IL1RAPL2: variants seen among roughly 807,000 people sequenced by gnomAD.
IL1RAPL2 encodes interleukin 1 receptor accessory protein like 2, also known as X-linked interleukin-1 receptor accessory protein-like 2.
In IL1RAPL2, 3 loss-of-function variants were observed where a neutral mutation model predicts 44.1. The observed-to-expected ratio is 0.07, with a 90% CI of 0.03 to 0.18. IL1RAPL2 has a LOEUF of 0.18. Among genes scored for constraint, IL1RAPL2 ranks in the 10% least tolerant of loss-of-function variants. The probability of loss-of-function intolerance (pLI) is 1.00; values close to 1 mark genes in which losing one functional copy is unlikely to be tolerated. For synonymous variants in IL1RAPL2, 181 were observed against 178.8 expected (o/e 1.01, Z -0.10); for missense variants, 391 against 496.4 (o/e 0.79, Z 2.02).
intron 2 of IL1RAPL2, among the ~76,000 whole-genome samples, chrX:104,782,757 G>T (rs1848765120): frequency 8.9e-6 from 1 of 111,743 alleles, no homozygotes; most frequent in East Asian, 2.8e-4. Flanking sequence ...ATTTCCTCAT[G>T]TCTGTGTCTC....
At chrX:105,237,894 A>G (rs6616577) in intron 4 of IL1RAPL2, among the ~76,000 whole-genome samples, 23,061 of 111,215 alleles carry the variant, frequency 0.21, 2,175 homozygotes, top group East Asian at 0.33. Context: ...AAGAGGATAC[A>G]TTTGTCCAGA....
chrX:105,195,590 G>T lies in IL1RAPL2; in HGVS notation c.198G>T (p.Thr66=). 1 of 1,211,586 alleles carries T rather than the reference G, an allele frequency of 8.3e-7. No homozygotes were observed. The highest frequency in any genetic ancestry group is 1.7e-5 in the African/African-American group (1 of 57,865). Residue 66 remains threonine, a synonymous_variant, in exon 3 of 11, where the codon ACG becomes ACT. Coordinates refer to ENST00000372582, the MANE Select transcript of IL1RAPL2 (RefSeq NM_017416.2). The part of the protein sequence containing the change: ...FYSYIRTNYS[T]AQSTGLRLMW... ...GTTATATTCGTACCAACTATAGCAC[G>T]GCCCAGAGCACTGGGCTCAGGCTTA...
chrX:104,600,844 A>G (rs1013673535), intron 1 of IL1RAPL2, among the ~76,000 whole-genome samples: 9 of 111,434 alleles, frequency 8.1e-5, no homozygotes, highest in African/African-American at 2.6e-4. Context: ...AAAGGACATG[A>G]TTTCATTATT....
At chrX:105,552,553 A>G (rs1464796706) in intron 6 of IL1RAPL2, among the ~76,000 whole-genome samples, 1 of 111,914 alleles carries the variant, frequency 8.9e-6, no homozygotes, top group Non-Finnish European at 1.9e-5. Flanking sequence ...TGTGAGTGGA[A>G]ATGATGTAAG....
chrX:105,441,380 G>A (rs1002362154), intron 5 of IL1RAPL2, among the ~76,000 whole-genome samples: 44 of 111,760 alleles, frequency 3.9e-4, no homozygotes, highest in Non-Finnish European at 7.1e-4. Context: ...GTCTCCTTTG[G>A]TGTAACTACC....
chrX:104,865,073 A>C (rs1179273243), intron 2 of IL1RAPL2, among the ~76,000 whole-genome samples: 2 of 111,298 alleles, frequency 1.8e-5, no homozygotes, highest in East Asian at 5.7e-4. Context: ...TTACCCCCAC[A>C]TTGGCTCCCT....
At chrX:105,766,856 T>C (rs1276267404) in intron 10 of IL1RAPL2, 108 bp from the exon 11 acceptor site, 2 of 500,535 alleles carry the variant, frequency 4.0e-6, no homozygotes, top group Non-Finnish European at 6.6e-6. Flanking sequence ...GAAAATGTGA[T>C]GGACTTTAGT....
chrX:105,581,733 T>C (rs1381342942), intron 6 of IL1RAPL2, among the ~76,000 whole-genome samples: 6 of 111,486 alleles, frequency 5.4e-5, no homozygotes, highest in Non-Finnish European at 1.9e-5. Context: ...TTAAGCCTCT[T>C]GATGACATTG....
chrX:105,215,394 C>T (rs1556164253), intron 3 of IL1RAPL2, among the ~76,000 whole-genome samples: 1 of 111,777 alleles, frequency 8.9e-6, no homozygotes, highest in Non-Finnish European at 1.9e-5. Flanking sequence ...CATACACCCT[C>T]CCAAGACTAA....
chrX:104,977,117 G>T (rs778510273), intron 2 of IL1RAPL2, among the ~76,000 whole-genome samples: 7 of 111,534 alleles, frequency 6.3e-5, no homozygotes, highest in Non-Finnish European at 1.1e-4. Context: ...GGGTTCAGAG[G>T]GGACACTCAC....
chrX:105,630,331 G>A (rs754804225), intron 6 of IL1RAPL2, among the ~76,000 whole-genome samples: 1 of 111,221 alleles, frequency 9.0e-6, no homozygotes, highest in African/African-American at 3.3e-5. Flanking sequence ...CACTGTATAT[G>A]TATTACTTCA....
chrX:105,237,699 G>A (rs782359307), intron 4 of IL1RAPL2, among the ~76,000 whole-genome samples: 5 of 111,018 alleles, frequency 4.5e-5, no homozygotes, highest in East Asian at 2.8e-4. Flanking sequence ...TGTTTTTTTC[G>A]TGTAAATTTG....
Position 105,498,449 on chromosome X carries a change from A to G in IL1RAPL2, c.772+14062A>G, listed in dbSNP as rs775939502. 1.7e-4 allele frequency among the ~76,000 whole-genome samples: 19 copies of G among 112,072 alleles called. No individual in the cohort carries two copies. In the Admixed American group the frequency reaches 1.7e-3, roughly 10 times the overall value. On this transcript the variant is annotated intron_variant, in intron 6 of 10. Transcript: ENST00000372582. ...ATGGATTAGAAGTCTTAGTATTGTT[A>G]CAATGTCCATGATTACCCAAAGTGA...
intron 1 of IL1RAPL2, among the ~76,000 whole-genome samples, chrX:104,582,771 CTT>C (rs1168742586): frequency 7.5e-5 from 6 of 79,834 alleles, no homozygotes; most frequent in Non-Finnish European, 9.1e-5. Flanking sequence ...TTTCTTTTTT[CTT>C]TCTCTCTCTC....
chrX:104,996,889 G>T lies in IL1RAPL2; in HGVS notation c.83-198586G>T, dbSNP rs777220871. On this transcript the variant is annotated intron_variant, in intron 2 of 10. Transcript: ENST00000372582. ...GCTGAGACATAAATTATAAGAAGGA[G>T]CCAGACAAGTGAGTATTCGGGAACC... Among the ~76,000 whole-genome samples, 3 of 111,490 alleles carry T rather than the reference G, an allele frequency of 2.7e-5. No homozygotes were observed. In the East Asian group the frequency reaches 8.6e-4, roughly 32 times the overall value.
intron 6 of IL1RAPL2, among the ~76,000 whole-genome samples, chrX:105,552,074 C>T (rs949006252): frequency 9.3e-6 from 1 of 107,137 alleles, no homozygotes; most frequent in Admixed American, 1.0e-4. Context: ...CCACTGCACT[C>T]CAGCCTGGGC....
chrX:105,316,479 T>C (rs1326431724), intron 5 of IL1RAPL2, among the ~76,000 whole-genome samples: 2 of 111,269 alleles, frequency 1.8e-5, no homozygotes, highest in Admixed American at 9.6e-5. Context: ...AAAACAGTTA[T>C]TGATGAAACC....
chrX:105,496,721 G>A (rs1367234316), intron 6 of IL1RAPL2, among the ~76,000 whole-genome samples: 3 of 111,941 alleles, frequency 2.7e-5, no homozygotes, highest in Non-Finnish European at 5.6e-5. Context: ...GTGAATAAAT[G>A]ATTGTTAGCC....
chrX:104,855,247 C>T (rs1922326035), intron 2 of IL1RAPL2, among the ~76,000 whole-genome samples: 1 of 111,660 alleles, frequency 9.0e-6, no homozygotes, highest in Admixed American at 9.5e-5. Context: ...GAGAATATGA[C>T]AGGAATCAGG....
Sources: allele counts gnomAD v4.1 joint callset (sites outside exome capture counted in the v4.1 genomes callset), GRCh38; gene constraint gnomAD v4.1.1; transcripts MANE v1.5; gene names NCBI Gene and HGNC (gene_info 2026-07-23, HGNC 2026-07-21).